The following NAPG variants were observed in gnomAD, a reference collection of about 807,000 sequenced individuals.
NAPG encodes the protein NSF attachment protein gamma.
NAPG carries 25 observed loss-of-function variants against 48.4 expected under a neutral mutation model. The ratio of observed to expected loss-of-function variants is 0.52; its 90% CI spans 0.38 to 0.72. NAPG has a LOEUF of 0.72. Among genes scored for constraint, NAPG ranks in the 30% least tolerant of loss-of-function variants. NAPG has a pLI of 0.00. For synonymous variants in NAPG, 139 were observed against 127.2 expected (o/e 1.09, Z -0.62); for missense variants, 359 against 372.5 (o/e 0.96, Z 0.30).
In NAPG at chr18:10,544,383, C is replaced by T. The variant is rs943747366; in HGVS notation, c.507-1943C>T. 2.0e-5 allele frequency among the ~76,000 whole-genome samples: 3 copies of T among 152,138 alleles called. No individual in the cohort carries two copies. Among genetic ancestry groups the T allele is most frequent in the Non-Finnish European group, 4.4e-5 (3 of 68,026 alleles). On this transcript the variant is annotated intron_variant, in intron 8 of 11. Transcript: ENST00000322897. This position sits in a 1 kb window ranked among gnomAD's most constrained non-coding sequence, Gnocchi z 5.1. ...AGGTGTCGGAGGGGGCTGATCTCACCGGAGGCTTGGGTCCTTTTCCAAGCT... is the reference window on the plus strand; with the variant it reads ...AGGTGTCGGAGGGGGCTGATCTCACTGGAGGCTTGGGTCCTTTTCCAAGCT...
chr18:10,537,590 A>G (rs2032062242), intron 5 of NAPG, among the ~76,000 whole-genome samples: 1 of 152,150 alleles, frequency 6.6e-6, no homozygotes, highest in Non-Finnish European at 1.5e-5. Flanking sequence ...CTGCTGTTCA[A>G]GGTTCAGTTG....
In NAPG at chr18:10,534,126, G is replaced by A. The variant is rs1029446901; in HGVS notation, c.228-340G>A. 6.6e-6 allele frequency among the ~76,000 whole-genome samples: 1 copy of A among 152,080 alleles called. No individual in the cohort carries two copies. Among genetic ancestry groups the A allele is most frequent in the Non-Finnish European group, 1.5e-5 (1 of 68,006 alleles). On this transcript the variant is annotated intron_variant, in intron 4 of 11. Coordinates refer to ENST00000322897, the MANE Select transcript of NAPG (RefSeq NM_003826.3). The surrounding 1 kb of genome is among the most constrained non-coding windows in gnomAD (Gnocchi z 5.0). ...CGTGCCTCTGCTCTCCAGCCTGGGC[G>A]ACACAGCAAGGCTCCATCCCAAAAA...
chr18:10,547,865 C>T (rs1358472931), intron 9 of NAPG, among the ~76,000 whole-genome samples: 1 of 152,144 alleles, frequency 6.6e-6, no homozygotes, highest in African/African-American at 2.4e-5. Context: ...ACATCTTTTT[C>T]CTAGTTTCTT....
intron 5 of NAPG, among the ~76,000 whole-genome samples, chr18:10,535,314 T>C (rs933334219): frequency 1.3e-5 from 2 of 152,240 alleles, no homozygotes; most frequent in Admixed American, 1.3e-4. Context: ...TAAAGAATGT[T>C]AGTAATAGCT....
rs369364555 is a variant in NAPG at position 10,534,472 on chromosome 18, T to C, written c.234T>C (p.Tyr78=). 5 of 1,612,930 alleles carry C rather than the reference T, an allele frequency of 3.1e-6. No homozygotes were observed. Among genetic ancestry groups the C allele is most frequent in the Non-Finnish European group, 4.2e-6 (5 of 1,179,188 alleles). ...NRALFHAAKA[Y]EQAGMMLKEM... is the part of the protein sequence containing the mutation. ...AATTATATTCTCTTTGCAGAGCTTA[T>C]GAGCAAGCTGGAATGATGTTGAAGG... The change falls in exon 5 of 12, where the codon TAT becomes TAC. Residue 78 remains tyrosine, a synonymous_variant. Coordinates refer to ENST00000322897, the MANE Select transcript of NAPG (RefSeq NM_003826.3). This position sits in a 1 kb window ranked among gnomAD's most constrained non-coding sequence, Gnocchi z 5.0.
rs545849034 is a variant in NAPG at position 10,550,867 on chromosome 18, T to C, written c.*647T>C. 1 of 152,342 alleles carries C rather than the reference T, an allele frequency of 6.6e-6. No individual in the cohort carries two copies. The highest frequency in any genetic ancestry group is 1.5e-5 in the Non-Finnish European group (1 of 68,054). The allele number at this position is 152,342 out of a possible 1,614,324, so 9.4% of individuals were successfully genotyped here. A position where few individuals can be genotyped will look rare whatever the true frequency, so the allele number is the denominator to read the frequency against. On this transcript the variant is annotated 3_prime_UTR_variant, in exon 12 of 12. Coordinates refer to ENST00000322897, the MANE Select transcript of NAPG (RefSeq NM_003826.3). ...AGTGATCTATAAATATCTTCAGTCC[T>C]CTCTGAAGTGTGGGTATTTCTTCTA...
chr18:10,550,912 G>A lies in NAPG; in HGVS notation c.*692G>A, dbSNP rs972556301. The A allele has an allele frequency of 6.6e-6, 1 of 151,968 alleles. No individual in the cohort carries two copies. The highest frequency in any genetic ancestry group is 2.4e-5 in the African/African-American group (1 of 41,380). The allele number at this position is 151,968 out of a possible 1,614,324, so 9.4% of individuals were successfully genotyped here. A position where few individuals can be genotyped will look rare whatever the true frequency, so the allele number is the denominator to read the frequency against. On this transcript the variant is annotated 3_prime_UTR_variant, in exon 12 of 12. Transcript: ENST00000322897. ...CTTCTATCTAAAAAATACATACAGT[G>A]ACTGTCTTCAAATCTACTTGGTTCT...
rs779103386 is a variant in NAPG at position 10,540,344 on chromosome 18, C to G, written c.451C>G (p.Arg151Gly). 6.2e-7 allele frequency: 1 copy of G among 1,613,634 alleles called. No individual in the cohort carries two copies. The highest frequency in any genetic ancestry group is 8.5e-7 in the Non-Finnish European group (1 of 1,179,678). The change falls in exon 8 of 12, where the codon CGA becomes GGA. Residue 151 changes from arginine to glycine, a missense_variant. Physicochemically the swap from Arg to Gly is moderately radical, Grantham distance 125. Coordinates refer to ENST00000322897, the MANE Select transcript of NAPG (RefSeq NM_003826.3). The stretch of plus-strand genomic sequence containing the variant: ...ATTCCTTCAGAATGAAGAACGCTTA[C>G]GACAGGCAGTTGAATTACTAGGAAA... ...ANVFENEERL[R>G]QAVELLGKAS...
At chr18:10,528,206 AG>A (rs2031859891) in intron 1 of NAPG, among the ~76,000 whole-genome samples, 3 of 151,958 alleles carry the variant, frequency 2.0e-5, no homozygotes, top group Non-Finnish European at 2.9e-5. Context: ...ATAAATAAAA[AG>A]GAAAAGAAAA....
At chr18:10,526,584 G>C (rs1311363671) in intron 1 of NAPG, 1 of 181,754 alleles carries the variant, frequency 5.5e-6, no homozygotes, top group Non-Finnish European at 1.2e-5. Context: ...AATGTCATCT[G>C]GGGAACAACA....
At position 10,548,850 on chromosome 18, in the gene NAPG, ACTTTT is replaced by A; in HGVS notation, c.666-116_666-112del. Reference sequence around the variant, plus strand: ...CTCTAGATGCCACTAGCATTCCCACACTTTTAAGTACCAAAATGTCTCCAGACAGT... The same window carrying A: ...CTCTAGATGCCACTAGCATTCCCACAAAGTACCAAAATGTCTCCAGACAGT... On this transcript the variant is annotated intron_variant, in intron 10 of 11. Coordinates refer to ENST00000322897, the MANE Select transcript of NAPG (RefSeq NM_003826.3). The surrounding 1 kb of genome is among the most constrained non-coding windows in gnomAD (Gnocchi z 4.4). 1 of 1,318,304 alleles carries A rather than the reference ACTTTT, an allele frequency of 7.6e-7. No homozygotes were observed. Among genetic ancestry groups the A allele is most frequent in the Non-Finnish European group, 1.0e-6 (1 of 976,356 alleles). 81.7% of individuals were successfully genotyped at this position (1,318,304 alleles called of 1,614,324 possible).
Position 10,534,175 on chromosome 18 carries a change from A to G in NAPG, c.228-291A>G, listed in dbSNP as rs2031985754. Among the ~76,000 whole-genome samples, 4 of 152,146 alleles carry G rather than the reference A, an allele frequency of 2.6e-5. No homozygotes were observed. The highest frequency in any genetic ancestry group is 2.6e-4 in the Admixed American group (4 of 15,282). On this transcript the variant is annotated intron_variant, in intron 4 of 11. Transcript: ENST00000322897. This position sits in a 1 kb window ranked among gnomAD's most constrained non-coding sequence, Gnocchi z 5.0. ...AACAAACAAACAAACAAAAAAACTT[A>G]GGTTTAGGTTTGTCAGATGGAAATT...
chr18:10,533,227 C>A, intron 3 of NAPG: 1 of 295,706 alleles, frequency 3.4e-6, no homozygotes. Flanking sequence ...GCAAACTTAT[C>A]AATAAAAAAT....
intron 2 of NAPG, among the ~76,000 whole-genome samples, chr18:10,531,149 G>A (rs1161501432): frequency 6.6e-6 from 1 of 152,062 alleles, no homozygotes; most frequent in African/African-American, 2.4e-5. Flanking sequence ...ATATCCATGA[G>A]TTTTGCCATA....
chr18:10,534,202 A>C lies in NAPG; in HGVS notation c.228-264A>C, dbSNP rs1482687078. On this transcript the variant is annotated intron_variant, in intron 4 of 11. Coordinates refer to ENST00000322897, the MANE Select transcript of NAPG (RefSeq NM_003826.3). This position sits in a 1 kb window ranked among gnomAD's most constrained non-coding sequence, Gnocchi z 5.0. Reference sequence around the variant, plus strand: ...GTTTAGGTTTGTCAGATGGAAATTAATTTAACCTTACTGAGCCTTACTTAA... The same window carrying C: ...GTTTAGGTTTGTCAGATGGAAATTACTTTAACCTTACTGAGCCTTACTTAA... 9.8e-5 allele frequency among the ~76,000 whole-genome samples: 15 copies of C among 152,334 alleles called. No homozygotes were observed. Among genetic ancestry groups the C allele is most frequent in the African/African-American group, 3.6e-4 (15 of 41,586 alleles).
rs935774978 is a variant in NAPG at position 10,546,883 on chromosome 18, C to T, written c.585+479C>T. 6.6e-6 allele frequency among the ~76,000 whole-genome samples: 1 copy of T among 152,170 alleles called. No homozygotes were observed. Among genetic ancestry groups the T allele is most frequent in the African/African-American group, 2.4e-5 (1 of 41,440 alleles). ...TCCTCTCCTTTGGCTTTGCTCCAAG[C>T]TTGTCCCAGGCATGGAGCTACACTG... On this transcript the variant is annotated intron_variant, in intron 9 of 11. Coordinates refer to ENST00000322897, the MANE Select transcript of NAPG (RefSeq NM_003826.3). The surrounding 1 kb of genome is among the most constrained non-coding windows in gnomAD (Gnocchi z 4.0).
chr18:10,540,325 T>A lies in NAPG; in HGVS notation c.436-4T>A. On this transcript the variant is annotated splice_region_variant and splice_polypyrimidine_tract_variant and intron_variant, in intron 7 of 11. Transcript: ENST00000322897. Reference sequence around the variant, plus strand: ...CAACACTTGTTTTTCTTTGATTCCTTCAGAATGAAGAACGCTTACGACAGG... The same window carrying A: ...CAACACTTGTTTTTCTTTGATTCCTACAGAATGAAGAACGCTTACGACAGG... 1 of 1,613,154 alleles carries A rather than the reference T, an allele frequency of 6.2e-7. No individual in the cohort carries two copies. Among genetic ancestry groups the A allele is most frequent in the Non-Finnish European group, 8.5e-7 (1 of 1,179,354 alleles).
chr18:10,531,967 G>T (rs374534177), intron 2 of NAPG, among the ~76,000 whole-genome samples: 3 of 152,246 alleles, frequency 2.0e-5, no homozygotes, highest in African/African-American at 7.2e-5. Flanking sequence ...TCAGTATTTG[G>T]TTTTCACATT....
rs549735502 is a variant in NAPG at position 10,532,786 on chromosome 18, A to C, written c.200A>C (p.Asn67Thr). Residue 67 changes from asparagine to threonine, a missense_variant, in exon 3 of 12, where the codon AAT becomes ACT. Physicochemically the swap from Asn to Thr is moderately conservative, Grantham distance 65. Transcript: ENST00000322897. ...CTGAGGGAAGCTGTTGCCCATGAAAATAATAGGGCGTATCTTTTTCAACTT... is the reference window on the plus strand; with the variant it reads ...CTGAGGGAAGCTGTTGCCCATGAAACTAATAGGGCGTATCTTTTTCAACTT... ...ACLREAVAHE[N>T]NRALFHAAKA... is the part of the protein sequence containing the mutation. 24 of 1,576,950 alleles carry C rather than the reference A, an allele frequency of 1.5e-5. No homozygotes were observed. The highest frequency in any genetic ancestry group is 2.1e-5 in the Non-Finnish European group (24 of 1,159,370).
Sources: allele counts gnomAD v4.1 joint callset (sites outside exome capture counted in the v4.1 genomes callset), GRCh38; gene constraint gnomAD v4.1.1; non-coding constraint Gnocchi (gnomAD v3.1); transcripts MANE v1.5; gene names NCBI Gene and HGNC (gene_info 2026-07-23, HGNC 2026-07-21).